The following LRMDA variants were observed in gnomAD, a reference collection of about 807,000 sequenced individuals.
LRMDA encodes the protein leucine-rich melanocyte differentiation-associated protein.
LRMDA carries 18 observed loss-of-function variants against 29.8 expected under a neutral mutation model. The ratio of observed to expected loss-of-function variants is 0.60; its 90% CI spans 0.42 to 0.90. The LOEUF (loss-of-function observed/expected upper bound fraction) is 0.90, where lower values mean the gene tolerates loss of function less well. Ranked by LOEUF, LRMDA falls within the 40% of genes least tolerant of loss-of-function variation. The probability of loss-of-function intolerance (pLI) is 0.00; values close to 1 mark genes in which losing one functional copy is unlikely to be tolerated. For synonymous variants in LRMDA, 125 were observed against 109.4 expected (o/e 1.14, Z -0.89); for missense variants, 273 against 273.9 (o/e 1.00, Z 0.02).
At chr10:75,657,120 A>G (rs764888665) in intron 2 of LRMDA, among the ~76,000 whole-genome samples, 2 of 152,224 alleles carry the variant, frequency 1.3e-5, no homozygotes, top group East Asian at 1.9e-4. Context: ...AAGGCTGTCC[A>G]TTTACATACT....
intron 2 of LRMDA, among the ~76,000 whole-genome samples, chr10:75,839,133 A>G (rs1466360154): frequency 6.6e-6 from 1 of 152,270 alleles, no homozygotes; most frequent in Non-Finnish European, 1.5e-5. Flanking sequence ...TGTAGCAGAA[A>G]GAGCGAAACA....
intron 2 of LRMDA, among the ~76,000 whole-genome samples, chr10:75,966,710 G>A (rs567829154): frequency 5.9e-5 from 9 of 152,364 alleles, no homozygotes; most frequent in Admixed American, 5.9e-4. Context: ...GGGAATGTAG[G>A]AAAGAGCAGA....
intron 2 of LRMDA, among the ~76,000 whole-genome samples, chr10:75,714,958 A>G (rs1842482461): frequency 6.6e-6 from 1 of 150,850 alleles, no homozygotes; most frequent in Non-Finnish European, 1.5e-5. Flanking sequence ...TAGAGCCATG[A>G]TATGTGGAGA....
intron 5 of LRMDA, among the ~76,000 whole-genome samples, chr10:76,241,068 G>T (rs1852268943): frequency 6.6e-6 from 1 of 151,972 alleles, no homozygotes; most frequent in African/African-American, 2.4e-5. Context: ...TTATGAGAAT[G>T]CAAAGGTATA....
intron 2 of LRMDA, among the ~76,000 whole-genome samples, chr10:75,655,737 T>C: frequency 6.6e-6 from 1 of 152,204 alleles, no homozygotes; most frequent in East Asian, 1.9e-4. Context: ...GAGAAAGCCA[T>C]GGTTGGTTCC....
At chr10:75,653,609 G>T (rs1589147419) in intron 2 of LRMDA, among the ~76,000 whole-genome samples, 1 of 152,368 alleles carries the variant, frequency 6.6e-6, no homozygotes, top group South Asian at 2.1e-4. Context: ...GAGAGTGCCT[G>T]TGGGTTGCCC....
intron 5 of LRMDA, among the ~76,000 whole-genome samples, chr10:76,303,005 CT>C (rs1263115037): frequency 2.0e-5 from 3 of 152,176 alleles, no homozygotes; most frequent in Non-Finnish European, 4.4e-5. Context: ...TCATCTCCCC[CT>C]GAAAGAAAGA....
intron 6 of LRMDA, among the ~76,000 whole-genome samples, chr10:76,454,346 A>G (rs1366381366): frequency 6.6e-6 from 1 of 152,190 alleles, no homozygotes; most frequent in Non-Finnish European, 1.5e-5. Flanking sequence ...CCATAGTGAA[A>G]GTAGCAGTGT....
At chr10:75,690,990 TATATACACACAC>T (rs1201001317) in intron 2 of LRMDA, among the ~76,000 whole-genome samples, 2 of 92,006 alleles carry the variant, frequency 2.2e-5, no homozygotes, top group African/African-American at 5.0e-5. Flanking sequence ...TATATATATA[TATATACACACAC>T]ACACACACAC....
chr10:75,705,436 A>G lies in LRMDA; in HGVS notation c.131+266942A>G, dbSNP rs368732311. Among the ~76,000 whole-genome samples the G allele has an allele frequency of 1.2e-3, 184 of 152,352 alleles. 3 individuals carry two copies. The South Asian group carries it at 0.018, about 15-fold the overall frequency. ...AAAATCTCATCTCCAGCTGTCCTCA[A>G]TGGCTCACTTTTGAAATGGGTCTTT... On this transcript the variant is annotated intron_variant, in intron 2 of 6. Transcript: ENST00000611255.
chr10:75,988,597 A>G (rs2132456885), intron 2 of LRMDA, among the ~76,000 whole-genome samples: 1 of 152,138 alleles, frequency 6.6e-6, no homozygotes, highest in South Asian at 2.1e-4. Flanking sequence ...TTCAATGACA[A>G]TATACTATTA....
chr10:75,821,305 G>A (rs534916953), intron 2 of LRMDA, among the ~76,000 whole-genome samples: 2 of 152,148 alleles, frequency 1.3e-5, no homozygotes. Flanking sequence ...ACATAAAAAA[G>A]ATAGTATACT....
chr10:76,337,332 C>T (rs1194480077), intron 6 of LRMDA, among the ~76,000 whole-genome samples: 1 of 152,016 alleles, frequency 6.6e-6, no homozygotes, highest in Non-Finnish European at 1.5e-5. Flanking sequence ...CATGGTATAT[C>T]GGTACTAAGA....
At chr10:76,094,318 A>G (rs1849280129) in intron 5 of LRMDA, among the ~76,000 whole-genome samples, 1 of 152,298 alleles carries the variant, frequency 6.6e-6, no homozygotes, top group East Asian at 1.9e-4. Context: ...TTTAGAAATA[A>G]CAACTACTTA....
At chr10:75,555,260 G>A (rs575091346) in intron 2 of LRMDA, among the ~76,000 whole-genome samples, 31 of 152,254 alleles carry the variant, frequency 2.0e-4, no homozygotes, top group African/African-American at 7.2e-4. Context: ...AAAGGCTTAG[G>A]GTGAATTTCT....
intron 2 of LRMDA, among the ~76,000 whole-genome samples, chr10:76,014,036 T>C (rs1300612265): frequency 6.8e-6 from 1 of 147,904 alleles, no homozygotes; most frequent in East Asian, 2.0e-4. Flanking sequence ...CATACCATTC[T>C]AGAGAAGAAG....
At chr10:75,546,086 A>G (rs561648921) in intron 2 of LRMDA, among the ~76,000 whole-genome samples, 10 of 152,120 alleles carry the variant, frequency 6.6e-5, no homozygotes, top group Non-Finnish European at 8.8e-5. Context: ...TGTAAGTTGG[A>G]ATCTTTCATG....
chr10:76,200,863 G>A (rs928333585), intron 5 of LRMDA, among the ~76,000 whole-genome samples: 1 of 148,592 alleles, frequency 6.7e-6, no homozygotes, highest in African/African-American at 2.5e-5. Flanking sequence ...GATTACAGGT[G>A]CCTGCCACCA....
intron 6 of LRMDA, among the ~76,000 whole-genome samples, chr10:76,354,894 G>A (rs568297108): frequency 1.2e-4 from 18 of 152,080 alleles, no homozygotes; most frequent in Non-Finnish European, 1.6e-4. Flanking sequence ...TTGTGCTGTC[G>A]AACATGATGT....
Sources: allele counts gnomAD v4.1 joint callset (sites outside exome capture counted in the v4.1 genomes callset), GRCh38; gene constraint gnomAD v4.1.1; transcripts MANE v1.5; gene names NCBI Gene and HGNC (gene_info 2026-07-23, HGNC 2026-07-21).